The following CNGB3 variants were observed in gnomAD, a reference collection of about 807,000 sequenced individuals.
The protein encoded by CNGB3 is cyclic nucleotide-gated channel beta-3.
CNGB3 carries 86 observed loss-of-function variants against 92.8 expected under a neutral mutation model. The observed-to-expected ratio is 0.93, with a 90% CI of 0.78 to 1.11. The LOEUF is 1.11. Among genes scored for constraint, CNGB3 ranks in the 50% least tolerant of loss-of-function variants. CNGB3 has a pLI of 0.00. For synonymous variants in CNGB3, 333 were observed against 332.7 expected (o/e 1.00, Z -0.01); for missense variants, 1,026 against 956.8 (o/e 1.07, Z -0.95).
chr8:86,656,034 C>T (rs1010379992), intron 6 of CNGB3, among the ~76,000 whole-genome samples: 1 of 152,174 alleles, frequency 6.6e-6, no homozygotes, highest in African/African-American at 2.4e-5. Context: ...CCCCACACTA[C>T]TGACTTTTTT....
intron 10 of CNGB3, among the ~76,000 whole-genome samples, chr8:86,634,419 A>C (rs534736947): frequency 1.3e-5 from 2 of 152,132 alleles, no homozygotes. Context: ...TTTGGCTTGC[A>C]ATATTTTCCC....
At chr8:86,582,087 G>A (rs1821797914) in intron 15 of CNGB3, among the ~76,000 whole-genome samples, 2 of 133,786 alleles carry the variant, frequency 1.5e-5, no homozygotes. Flanking sequence ...GACGAAATAT[G>A]ACACAGATAT....
intron 15 of CNGB3, among the ~76,000 whole-genome samples, chr8:86,603,218 T>C (rs1822343309): frequency 6.6e-6 from 1 of 152,214 alleles, no homozygotes; most frequent in Admixed American, 6.5e-5. Context: ...AATTAACTAT[T>C]TATTATCAGT....
chr8:86,720,927 T>A (rs2131667111), intron 3 of CNGB3, among the ~76,000 whole-genome samples: 1 of 150,324 alleles, frequency 6.7e-6, no homozygotes, highest in East Asian at 2.0e-4. Context: ...AATAATGGCA[T>A]TTTCAGCAGC....
chr8:86,701,860 G>C (rs1205563239), intron 3 of CNGB3, among the ~76,000 whole-genome samples: 4 of 152,070 alleles, frequency 2.6e-5, no homozygotes, highest in Non-Finnish European at 5.9e-5. Flanking sequence ...AAAATAAGTA[G>C]TTATTATTGG....
At chr8:86,589,255 G>A (rs1255180323) in intron 15 of CNGB3, among the ~76,000 whole-genome samples, 1 of 150,762 alleles carries the variant, frequency 6.6e-6, no homozygotes, top group Admixed American at 6.6e-5. Context: ...CTTGCTAGCG[G>A]TCTATCAATT....
chr8:86,619,413 GA>G (rs1408004820), intron 13 of CNGB3, among the ~76,000 whole-genome samples: 1 of 152,142 alleles, frequency 6.6e-6, no homozygotes, highest in African/African-American at 2.4e-5. Context: ...AATCTGCAAG[GA>G]AGAGGAATCA....
chr8:86,721,949 G>A (rs1052443112), intron 3 of CNGB3, among the ~76,000 whole-genome samples: 4 of 152,180 alleles, frequency 2.6e-5, no homozygotes, highest in Admixed American at 6.5e-5. Flanking sequence ...TGTTCCTGCT[G>A]TGAAATGATT....
intron 3 of CNGB3, chr8:86,704,284 T>C (rs1824612617): frequency 6.6e-6 from 1 of 152,136 alleles, no homozygotes; most frequent in Admixed American, 6.6e-5. Flanking sequence ...TCATGTTGAG[T>C]AGGCTGAGGA....
chr8:86,725,333 G>T (rs1465446345), intron 3 of CNGB3, among the ~76,000 whole-genome samples: 1 of 152,084 alleles, frequency 6.6e-6, no homozygotes, highest in Non-Finnish European at 1.5e-5. Context: ...CAGTATCTTG[G>T]TTGCTTATCT....
intron 15 of CNGB3, among the ~76,000 whole-genome samples, chr8:86,582,011 C>CA (rs1446816012): frequency 1.3e-5 from 2 of 151,344 alleles, no homozygotes; most frequent in Non-Finnish European, 2.9e-5. Flanking sequence ...CCACAAAAAA[C>CA]AAAAAAATTA....
chr8:86,669,981 C>T (rs566739977), intron 4 of CNGB3, among the ~76,000 whole-genome samples: 138 of 152,198 alleles, frequency 9.1e-4, no homozygotes, highest in Non-Finnish European at 1.7e-3. Flanking sequence ...TCCCAAGTAG[C>T]TGGTACTACA....
intron 15 of CNGB3, among the ~76,000 whole-genome samples, chr8:86,593,313 T>C (rs568686289): frequency 6.6e-6 from 1 of 152,308 alleles, no homozygotes; most frequent in African/African-American, 2.4e-5. Context: ...TGTTTATTTA[T>C]CTTCCTTCGA....
intron 3 of CNGB3, among the ~76,000 whole-genome samples, chr8:86,688,700 TA>T (rs1189515530): frequency 1.3e-5 from 2 of 152,022 alleles, no homozygotes; most frequent in African/African-American, 2.4e-5. Flanking sequence ...TATTTGGATA[TA>T]TTTTTTTCTT....
At chr8:86,635,769 C>A (rs1449516131) in intron 10 of CNGB3, among the ~76,000 whole-genome samples, 1 of 144,868 alleles carries the variant, frequency 6.9e-6, no homozygotes. Flanking sequence ...GCTGGATTAA[C>A]ACATGAAGTA....
At chr8:86,626,166 TAAAGG>T in intron 12 of CNGB3, 86 bp from the exon 13 acceptor site, 1 of 993,118 alleles carries the variant, frequency 1.0e-6, no homozygotes, top group Non-Finnish European at 1.6e-6. Context: ...ATTTTTAAAA[TAAAGG>T]AAACAAAATG....
intron 14 of CNGB3, among the ~76,000 whole-genome samples, chr8:86,610,498 A>G (rs1822497485): frequency 6.8e-6 from 1 of 147,662 alleles, no homozygotes; most frequent in South Asian, 2.1e-4. Flanking sequence ...GACTTAGCTC[A>G]GACATCATCT....
At chr8:86,577,132 A>AAG (rs3077256) in intron 17 of CNGB3, among the ~76,000 whole-genome samples, 20 of 151,370 alleles carry the variant, frequency 1.3e-4, no homozygotes, top group East Asian at 1.9e-4. Flanking sequence ...ACCAAAAAAA[A>AAG]AGAGAGAGAG....
intron 15 of CNGB3, among the ~76,000 whole-genome samples, chr8:86,587,023 G>A (rs1467589615): frequency 2.7e-5 from 4 of 147,808 alleles, no homozygotes; most frequent in Admixed American, 2.0e-4. Context: ...TTTAATGATT[G>A]CCATTCTAAC....
Sources: allele counts gnomAD v4.1 joint callset (sites outside exome capture counted in the v4.1 genomes callset), GRCh38; gene constraint gnomAD v4.1.1; transcripts MANE v1.5; gene names NCBI Gene and HGNC (gene_info 2026-07-23, HGNC 2026-07-21).